Variants in ZRANB3 observed in about 807,000 individuals in gnomAD.
The protein encoded by ZRANB3 is DNA annealing helicase and endonuclease ZRANB3.
A neutral mutation model predicts 133.8 loss-of-function variants in ZRANB3; 125 were observed. That is an observed-to-expected ratio of 0.93 (90% CI 0.81 to 1.08). The LOEUF is 1.08. Among genes scored for constraint, ZRANB3 ranks in the 50% least tolerant of loss-of-function variants. The pLI is 0.00. For synonymous variants in ZRANB3, 387 were observed against 432.7 expected (o/e 0.89, Z 1.31); for missense variants, 1,229 against 1,275.5 (o/e 0.96, Z 0.56).
chr2:135,389,071 CCTT>C (rs1484894932), intron 3 of ZRANB3, among the ~76,000 whole-genome samples: 3 of 152,122 alleles, frequency 2.0e-5, no homozygotes, highest in Non-Finnish European at 4.4e-5. Context: ...GAGCGAGACT[CCTT>C]CTCAAAACAA....
intron 2 of ZRANB3, among the ~76,000 whole-genome samples, chr2:135,442,013 T>A (rs1689802444): frequency 6.6e-6 from 1 of 152,036 alleles, no homozygotes; most frequent in Non-Finnish European, 1.5e-5. Flanking sequence ...TGAAACTGGA[T>A]CCCTTCCTTA....
chr2:135,512,724 A>G (rs1439755152), intron 1 of ZRANB3, among the ~76,000 whole-genome samples: 1 of 151,890 alleles, frequency 6.6e-6, no homozygotes, highest in Non-Finnish European at 1.5e-5. Context: ...AAAAAAAATT[A>G]TTAAAATAAA....
chr2:135,345,449 T>C, intron 6 of ZRANB3, 101 bp downstream of exon 6: 1 of 782,040 alleles, frequency 1.3e-6, no homozygotes, highest in Non-Finnish European at 2.0e-6. Flanking sequence ...GCCTGGGCGA[T>C]GGGAGTGAGA....
intron 12 of ZRANB3, among the ~76,000 whole-genome samples, chr2:135,234,206 C>T (rs1695178703): frequency 6.6e-6 from 1 of 152,202 alleles, no homozygotes; most frequent in East Asian, 1.9e-4. Flanking sequence ...AAGGCCATTA[C>T]ATAATGGTAA....
chr2:135,392,735 G>A (rs1687298601), intron 2 of ZRANB3, among the ~76,000 whole-genome samples: 1 of 152,122 alleles, frequency 6.6e-6, no homozygotes, highest in South Asian at 2.1e-4. Context: ...GCAACAGAGT[G>A]AGACTCCGTC....
In ZRANB3 at chr2:135,467,618, T is replaced by G. The variant is rs192976369; in HGVS notation, c.161+36711A>C. ...TTCTTTCATCTGTACTTTCTAATTG[T>G]CTCTCTTTGCTGGATAATTTTTATC... On this transcript the variant is annotated intron_variant, in intron 2 of 20. Transcript: ENST00000264159. Among the ~76,000 whole-genome samples, 10 of 152,332 alleles carry G rather than the reference T, an allele frequency of 6.6e-5. No homozygotes were observed. The East Asian group carries it at 1.9e-3, about 29-fold the overall frequency.
intron 2 of ZRANB3, among the ~76,000 whole-genome samples, chr2:135,424,127 T>C (rs765301925): frequency 1.3e-5 from 2 of 152,218 alleles, no homozygotes; most frequent in Non-Finnish European, 2.9e-5. Flanking sequence ...AAGTTGTCAT[T>C]AGTACCTTCA....
chr2:135,363,894 T>C (rs1305456822), intron 3 of ZRANB3, among the ~76,000 whole-genome samples: 1 of 152,058 alleles, frequency 6.6e-6, no homozygotes, highest in African/African-American at 2.4e-5. Context: ...CTGGGCAATA[T>C]AGAGAGACCA....
At position 135,405,904 on chromosome 2, in the gene ZRANB3, A is replaced by G. The variant is rs1339500379; in HGVS notation, c.162-15084T>C. Among the ~76,000 whole-genome samples the G allele has an allele frequency of 5.3e-5, 8 of 152,212 alleles. No homozygotes were observed. In the South Asian group the frequency reaches 8.3e-4, roughly 16 times the overall value. On this transcript the variant is annotated intron_variant, in intron 2 of 20. Coordinates refer to ENST00000264159, the MANE Select transcript of ZRANB3 (RefSeq NM_032143.4). ...AAATTGACACCCTAACATCACAATT[A>G]AAAGAAGTAGAGAAGCAAGAGCAAA...
At chr2:135,415,398 C>T (rs576055261) in intron 2 of ZRANB3, among the ~76,000 whole-genome samples, 1 of 152,256 alleles carries the variant, frequency 6.6e-6, no homozygotes, top group East Asian at 1.9e-4. Flanking sequence ...TTTCCCAAGA[C>T]TAAACCAGGA....
At chr2:135,296,806 T>C (rs139841994) in intron 8 of ZRANB3, among the ~76,000 whole-genome samples, 6,742 of 152,240 alleles carry the variant, frequency 0.044, 501 homozygotes, top group African/African-American at 0.15. Flanking sequence ...GTCAGGACCG[T>C]CAGCTGCAGG....
intron 2 of ZRANB3, among the ~76,000 whole-genome samples, chr2:135,420,918 G>A (rs911173788): frequency 4.6e-5 from 7 of 152,104 alleles, no homozygotes; most frequent in African/African-American, 1.7e-4. Flanking sequence ...TGATTCTCAG[G>A]AAAATATAAT....
In ZRANB3 at chr2:135,221,982, C is replaced by T. The variant is rs554041320; in HGVS notation, c.2250+2444G>A. ...TACACTATCTATCTATATCTATATT[C>T]GGTTTAGTAGAAAACCTGTAACTGA... is the stretch of plus-strand genomic sequence containing the variant. On this transcript the variant is annotated intron_variant, in intron 15 of 20. Transcript: ENST00000264159. Among the ~76,000 whole-genome samples, 7 of 152,240 alleles carry T rather than the reference C, an allele frequency of 4.6e-5. No homozygotes were observed. The South Asian group carries it at 6.2e-4, about 14-fold the overall frequency.
At chr2:135,350,661 G>A (rs1685164746) in intron 4 of ZRANB3, among the ~76,000 whole-genome samples, 1 of 152,094 alleles carries the variant, frequency 6.6e-6, no homozygotes, top group African/African-American at 2.4e-5. Flanking sequence ...AGGCCCTCCT[G>A]CTCAAAATAC....
chr2:135,413,073 T>C (rs193214081), intron 2 of ZRANB3, among the ~76,000 whole-genome samples: 4 of 152,300 alleles, frequency 2.6e-5, no homozygotes, highest in African/African-American at 9.6e-5. Flanking sequence ...TTAACTAGTT[T>C]TTCAAAGTTA....
At chr2:135,420,944 A>G (rs1407796209) in intron 2 of ZRANB3, among the ~76,000 whole-genome samples, 2 of 152,052 alleles carry the variant, frequency 1.3e-5, no homozygotes, top group Non-Finnish European at 2.9e-5. Flanking sequence ...TTACTTTTCT[A>G]TTTTCTATCT....
At chr2:135,361,727 G>T (rs923935886) in intron 3 of ZRANB3, among the ~76,000 whole-genome samples, 1 of 152,106 alleles carries the variant, frequency 6.6e-6, no homozygotes, top group Non-Finnish European at 1.5e-5. Context: ...TCTTAGTGAG[G>T]ATTTCAATTA....
At chr2:135,509,821 TTTTA>T (rs1193508898) in intron 1 of ZRANB3, among the ~76,000 whole-genome samples, 8 of 152,198 alleles carry the variant, frequency 5.3e-5, no homozygotes, top group African/African-American at 1.4e-4. Flanking sequence ...GTTCTATTCC[TTTTA>T]TTGTTTTTAA....
In ZRANB3 at chr2:135,315,547, A is replaced by C. The variant is rs1195078778; in HGVS notation, c.678-17T>G. On this transcript the variant is annotated splice_polypyrimidine_tract_variant and intron_variant, in intron 6 of 20. Coordinates refer to ENST00000264159, the MANE Select transcript of ZRANB3 (RefSeq NM_032143.4). ...CCAAAATATCTGTTAAAATGAAGAC[A>C]AAACATGTAGCAAAATTGAATGCTG... 4.2e-6 allele frequency: 6 copies of C among 1,428,414 alleles called. No homozygotes were observed. Among genetic ancestry groups the C allele is most frequent in the Non-Finnish European group, 4.6e-6 (5 of 1,087,620 alleles). The allele number at this position is 1,428,414 out of a possible 1,614,324, so 88.5% of individuals were successfully genotyped here.
Sources: allele counts gnomAD v4.1 joint callset (sites outside exome capture counted in the v4.1 genomes callset), GRCh38; gene constraint gnomAD v4.1.1; transcripts MANE v1.5; gene names NCBI Gene and HGNC (gene_info 2026-07-23, HGNC 2026-07-21).